The following PCSK5 variants were observed in gnomAD, a reference collection of about 807,000 sequenced individuals.
PCSK5 encodes prohormone convertase 5.
In PCSK5, 129 loss-of-function variants were observed where a neutral mutation model predicts 233.2. The ratio of observed to expected loss-of-function variants is 0.55; its 90% CI spans 0.48 to 0.64. The LOEUF (loss-of-function observed/expected upper bound fraction) is 0.64. Ranked by LOEUF, PCSK5 falls within the 30% of genes least tolerant of loss-of-function variation. PCSK5 has a pLI of 0.00. For synonymous variants in PCSK5, 825 were observed against 879.2 expected, an observed-to-expected ratio of 0.94 and a Z score of 1.09; for missense variants, 2,076 against 2,430.1, an observed-to-expected ratio of 0.85 and a Z score of 3.06.
At chr9:76,151,006 A>AT (rs776392152) in intron 10 of PCSK5, among the ~76,000 whole-genome samples, 1 of 141,554 alleles carries the variant, frequency 7.1e-6, no homozygotes, top group Admixed American at 7.1e-5. Flanking sequence ...TTCTTTTTAC[A>AT]TTAAAAAAAA....
At chr9:76,097,801 G>C (rs950289513) in intron 8 of PCSK5, among the ~76,000 whole-genome samples, 1 of 152,204 alleles carries the variant, frequency 6.6e-6, no homozygotes, top group Non-Finnish European at 1.5e-5. Context: ...CTAACTTTTC[G>C]GGGATGCCCA....
intron 2 of PCSK5, among the ~76,000 whole-genome samples, chr9:75,951,790 C>T (rs1312115355): frequency 5.9e-5 from 9 of 151,824 alleles, no homozygotes; most frequent in African/African-American, 1.5e-4. Flanking sequence ...TACAGTGTAA[C>T]AACTATTTAC....
At chr9:76,121,831 T>TCTTCTTA (rs1426709792) in intron 9 of PCSK5, among the ~76,000 whole-genome samples, 25 of 21,806 alleles carry the variant, frequency 1.1e-3, no homozygotes, top group South Asian at 3.9e-3. Context: ...TTTTTTTTTT[T>TCTTCTTA]TTTTTTTTTT....
chr9:76,315,108 A>G (rs776229583), intron 30 of PCSK5, among the ~76,000 whole-genome samples: 6 of 148,654 alleles, frequency 4.0e-5, no homozygotes, highest in Non-Finnish European at 8.9e-5. Context: ...ATCCATCACC[A>G]CGCCCAGCTA....
chr9:76,203,794 G>T (rs1825006617), intron 20 of PCSK5, among the ~76,000 whole-genome samples: 1 of 152,158 alleles, frequency 6.6e-6, no homozygotes, highest in Non-Finnish European at 1.5e-5. Flanking sequence ...ATCACAATAT[G>T]TCCTTTTGCC....
intron 16 of PCSK5, among the ~76,000 whole-genome samples, chr9:76,184,399 A>G (rs10118758): frequency 0.98 from 149,710 of 152,016 alleles, 73,735 homozygotes; most frequent in East Asian, 1. Context: ...AAAAAAAAAG[A>G]CCTATAAACT....
intron 35 of PCSK5, among the ~76,000 whole-genome samples, chr9:76,340,905 T>A (rs1261162210): frequency 6.6e-6 from 1 of 151,904 alleles, no homozygotes; most frequent in Admixed American, 6.6e-5. Flanking sequence ...TTTAAGTGAC[T>A]ATATTTTTAC....
chr9:76,014,612 C>T (rs1460603169), intron 3 of PCSK5, among the ~76,000 whole-genome samples: 1 of 152,206 alleles, frequency 6.6e-6, no homozygotes. Flanking sequence ...TCCCTGAGCT[C>T]CTCCTGACAG....
At chr9:76,259,706 T>C (rs1827104703) in intron 24 of PCSK5, among the ~76,000 whole-genome samples, 1 of 152,164 alleles carries the variant, frequency 6.6e-6, no homozygotes, top group Non-Finnish European at 1.5e-5. Flanking sequence ...TTGAACATGC[T>C]TGGTTGAACA....
chr9:76,272,921 T>A (rs1827569160), intron 24 of PCSK5, among the ~76,000 whole-genome samples: 1 of 151,920 alleles, frequency 6.6e-6, no homozygotes, highest in African/African-American at 2.4e-5. Flanking sequence ...TACTTCTTAC[T>A]CTAGCTACCC....
At chr9:76,153,692 G>T (rs1316260989) in intron 10 of PCSK5, among the ~76,000 whole-genome samples, 1 of 152,216 alleles carries the variant, frequency 6.6e-6, no homozygotes, top group African/African-American at 2.4e-5. Context: ...CGTTAAGGGT[G>T]CCTTTACAGA....
intron 12 of PCSK5, among the ~76,000 whole-genome samples, chr9:76,159,388 G>C (rs1202171805): frequency 6.6e-6 from 1 of 152,186 alleles, no homozygotes; most frequent in Non-Finnish European, 1.5e-5. Context: ...CTAAGAAAAG[G>C]ATGCAGTAGA....
At chr9:75,958,667 T>C (rs966253874) in intron 2 of PCSK5, among the ~76,000 whole-genome samples, 19 of 152,178 alleles carry the variant, frequency 1.2e-4, no homozygotes, top group Non-Finnish European at 2.2e-4. Context: ...GACCCTTGAT[T>C]TGGAGTCAGA....
rs773450734 is a variant in PCSK5, at chr9:76,323,106, G to A, written c.4157G>A (p.Arg1386His). ...HDDMCHQSCP[R>H]GFYADSRHCV... Reference sequence around the variant, plus strand: ...GATATGTGCCACCAGTCCTGTCCCCGTGGCTTCTATGCAGACTCGCGCCAC... The same window carrying A: ...GATATGTGCCACCAGTCCTGTCCCCATGGCTTCTATGCAGACTCGCGCCAC... Residue 1386 changes from arginine (R) to histidine (H), a missense_variant, in exon 32 of 38, where the codon CGT (arginine) becomes CAT (histidine). Physicochemically the swap from Arg to His is conservative, Grantham distance 29. This residue lies in a region of PCSK5 where 1,510 missense variants were observed against 1,538.1 expected (regional missense o/e 0.98). Coordinates refer to ENST00000674117, the MANE Select transcript of PCSK5 (RefSeq NM_001372043.1). The A allele has an allele frequency of 1.3e-5, 21 of 1,611,308 alleles. No homozygotes were observed. Among genetic ancestry groups the A allele is most frequent in the South Asian group, 9.9e-5 (9 of 90,754 alleles).
At chr9:75,913,740 A>G (rs1263165328) in intron 1 of PCSK5, among the ~76,000 whole-genome samples, 1 of 152,214 alleles carries the variant, frequency 6.6e-6, no homozygotes, top group Non-Finnish European at 1.5e-5. Flanking sequence ...GGTGAATAGC[A>G]TAGTTGTATT....
chr9:75,924,162 T>A (rs1486104679), intron 1 of PCSK5, among the ~76,000 whole-genome samples: 1 of 152,118 alleles, frequency 6.6e-6, no homozygotes, highest in Non-Finnish European at 1.5e-5. Flanking sequence ...TCATAGAGAT[T>A]AGATATCTGA....
intron 15 of PCSK5, among the ~76,000 whole-genome samples, chr9:76,180,087 G>GTATATATATATATATATATATA (rs1554701013): frequency 7.5e-6 from 1 of 132,598 alleles, no homozygotes; most frequent in African/African-American, 2.9e-5. Context: ...GTGTGTGTGT[G>GTATATATATATATATATATATA]TATATATATA....
At chr9:75,942,120 A>C (rs1824334998) in intron 2 of PCSK5, among the ~76,000 whole-genome samples, 1 of 152,210 alleles carries the variant, frequency 6.6e-6, no homozygotes. Flanking sequence ...GCATGCGCCA[A>C]AGCGTAGCGC....
chr9:76,057,493 T>C, intron 5 of PCSK5, among the ~76,000 whole-genome samples: 1 of 152,194 alleles, frequency 6.6e-6, no homozygotes, highest in Admixed American at 6.5e-5. Context: ...TGCTGAAATG[T>C]ATTATTTAAC....
Sources: allele counts gnomAD v4.1 joint callset (sites outside exome capture counted in the v4.1 genomes callset), GRCh38; gene constraint gnomAD v4.1.1; regional missense constraint gnomAD v4.1.1; transcripts MANE v1.5; gene names NCBI Gene and HGNC (gene_info 2026-07-23, HGNC 2026-07-21).